The following DEAF1 variants were observed in gnomAD, a reference collection of about 807,000 sequenced individuals.
DEAF1 encodes the protein deformed epidermal autoregulatory factor 1 homolog.
A neutral mutation model predicts 58.9 loss-of-function variants in DEAF1; 53 were observed. That is an observed-to-expected ratio of 0.90 (90% CI 0.72 to 1.13). DEAF1 has a LOEUF of 1.13. DEAF1 is among the 50% of genes most tolerant of loss of function. DEAF1 has a pLI of 0.00. For missense variants in DEAF1, 685 were observed against 791.4 expected (o/e 0.87, Z 1.61); for synonymous variants, 385 against 340.4 (o/e 1.13, Z -1.44).
At chr11:685,555 C>G (rs965760939) in intron 5 of DEAF1, among the ~76,000 whole-genome samples, 1 of 151,984 alleles carries the variant, frequency 6.6e-6, no homozygotes, top group Non-Finnish European at 1.5e-5. Flanking sequence ...ATTAGCTGGG[C>G]ATGGTGGCGC....
At chr11:700,560 G>GGCT in intron 1 of DEAF1, 1 of 1,359,784 alleles carries the variant, frequency 7.4e-7, no homozygotes, top group Non-Finnish European at 1.0e-6. Context: ...AAGCTGAGGT[G>GGCT]GCTGCTGCTG....
chr11:685,552 G>A (rs1345279059), intron 5 of DEAF1, among the ~76,000 whole-genome samples: 1 of 152,060 alleles, frequency 6.6e-6, no homozygotes, highest in Admixed American at 6.5e-5. Flanking sequence ...AAAATTAGCT[G>A]GGCATGGTGG....
chr11:673,700 G>C (rs1433577285), intron 10 of DEAF1, among the ~76,000 whole-genome samples: 1 of 152,108 alleles, frequency 6.6e-6, no homozygotes, highest in Non-Finnish European at 1.5e-5. Flanking sequence ...GTGGCCTTCA[G>C]AGCTCCCCAT....
chr11:657,520 T>G (rs1187084253), intron 10 of DEAF1, among the ~76,000 whole-genome samples: 1 of 152,078 alleles, frequency 6.6e-6, no homozygotes, highest in Non-Finnish European at 1.5e-5. Context: ...AAGTCCAAGC[T>G]ATTCCAGATC....
At chr11:691,460 G>C in intron 2 of DEAF1, 41 bp downstream of exon 2, 1 of 1,591,728 alleles carries the variant, frequency 6.3e-7, no homozygotes, top group Non-Finnish European at 8.6e-7. Flanking sequence ...CCCCCAGCGT[G>C]GCACCACCCG....
chr11:693,620 G>A (rs1860932672), intron 1 of DEAF1: 1 of 152,392 alleles, frequency 6.6e-6, no homozygotes, highest in Non-Finnish European at 1.5e-5. Flanking sequence ...GGACACTCGG[G>A]AACTCCAATG....
chr11:651,606 G>A (rs1858775784), intron 11 of DEAF1, among the ~76,000 whole-genome samples: 1 of 152,062 alleles, frequency 6.6e-6, no homozygotes, highest in South Asian at 2.1e-4. Flanking sequence ...TAATTCAGCT[G>A]GGCACGGTGG....
chr11:695,294 C>G (rs1025381241), upstream of DEAF1: 9 of 463,404 alleles, frequency 1.9e-5, no homozygotes, highest in East Asian at 3.3e-4. Flanking sequence ...GCCGCCGAGC[C>G]GAGACCGAGT....
upstream of DEAF1, chr11:700,173 A>G (rs752884378): frequency 6.2e-7 from 1 of 1,614,044 alleles, no homozygotes; most frequent in Non-Finnish European, 8.5e-7. Flanking sequence ...ATGCTGTTTT[A>G]TCTCAGCGGA....
chr11:694,871 C>T lies in DEAF1; in HGVS notation c.177G>A (p.Glu59=). The change falls in exon 1 of 12, where the codon GAG becomes GAA. Residue 59 remains glutamate (E), a synonymous_variant. Transcript: ENST00000382409. The part of the protein sequence containing the change: ...EEDADSEAER[E]TPRVTAVAVM... ...CCGCCACTGCCGTGACCCGCGGCGT[C>T]TCCCGCTCCGCCTCCGAGTCTGCGT... 1 of 1,501,962 alleles carries T rather than the reference C, an allele frequency of 6.7e-7. No individual in the cohort carries two copies. 93.0% of individuals were successfully genotyped at this position (1,501,962 alleles called of 1,614,324 possible).
At chr11:658,577 G>A (rs1166786677) in intron 10 of DEAF1, among the ~76,000 whole-genome samples, 1 of 152,284 alleles carries the variant, frequency 6.6e-6, no homozygotes, top group East Asian at 1.9e-4. Context: ...TCACAGGACT[G>A]CGGATGGCAC....
At chr11:681,239 C>G (rs1165387256) in intron 6 of DEAF1, 150 bp from the exon 7 acceptor site, 1 of 1,142,068 alleles carries the variant, frequency 8.8e-7, no homozygotes, top group Non-Finnish European at 1.3e-6. Flanking sequence ...GATCCCACCT[C>G]TTTTTCTTTT....
rs746105741 is a variant in DEAF1, at chr11:681,008, A to C, written c.952T>G (p.Ser318Ala). Residue 318 changes from serine to alanine, a missense_variant, in exon 7 of 12, where the codon TCC becomes GCC. Physicochemically the swap from Ser to Ala is moderately conservative, Grantham distance 99. This residue lies in a region of DEAF1 where 343 missense variants were observed against 379.8 expected (regional missense o/e 0.90). Coordinates refer to ENST00000382409, the MANE Select transcript of DEAF1 (RefSeq NM_021008.4). ...GGAAGCAATGTGATGTTCTTGGGGG[A>C]GTCCTTCTTCACGGGAGTTGTGGGC... ...ELPTTPVKKD[S>A]PKNITLLPAT... 1.9e-6 allele frequency: 3 copies of C among 1,613,952 alleles called. No individual in the cohort carries two copies. Among genetic ancestry groups the C allele is most frequent in the Admixed American group, 3.3e-5 (2 of 59,998 alleles).
At chr11:695,834 G>C (rs957782015), upstream of DEAF1, 24 of 1,230,394 alleles carry the variant, frequency 2.0e-5, no homozygotes, top group Non-Finnish European at 2.4e-5. Flanking sequence ...TAAGATGGCG[G>C]CCCCGCGGCG....
At chr11:700,337 G>C (rs763910432) in intron 1 of DEAF1, 1 of 1,077,434 alleles carries the variant, frequency 9.3e-7, no homozygotes, top group Non-Finnish European at 1.4e-6. Flanking sequence ...GACCAGCCAG[G>C]CCAACATGGG....
upstream of DEAF1, chr11:695,912 C>G (rs1861122417): frequency 2.6e-6 from 3 of 1,172,584 alleles, no homozygotes; most frequent in Admixed American, 1.3e-4. Flanking sequence ...CCTGTGGTGA[C>G]AATCCGGTTT....
At chr11:670,932 T>TTTTTTG (rs1554940507) in intron 10 of DEAF1, among the ~76,000 whole-genome samples, 2 of 19,026 alleles carry the variant, frequency 1.1e-4, no homozygotes, top group Non-Finnish European at 1.9e-4. Context: ...CTGGCTAATG[T>TTTTTTG]TTTTTTTTTT....
chr11:649,766 CTG>C (rs1319471368), intron 11 of DEAF1, among the ~76,000 whole-genome samples: 1 of 151,800 alleles, frequency 6.6e-6, no homozygotes, highest in African/African-American at 2.4e-5. Flanking sequence ...TGGCTCACAC[CTG>C]TAATCTTAGA....
At chr11:695,642 T>G, upstream of DEAF1, 1 of 1,245,028 alleles carries the variant, frequency 8.0e-7, no homozygotes, top group East Asian at 3.2e-5. Flanking sequence ...ACCTCTTCCC[T>G]TCCGAAAGTG....
Sources: allele counts gnomAD v4.1 joint callset (sites outside exome capture counted in the v4.1 genomes callset), GRCh38; gene constraint gnomAD v4.1.1; regional missense constraint gnomAD v4.1.1; transcripts MANE v1.5; gene names NCBI Gene and HGNC (gene_info 2026-07-23, HGNC 2026-07-21).